The following MATN2 variants were observed in gnomAD, a reference collection of about 807,000 sequenced individuals.
The protein encoded by MATN2 is matrilin-2.
A neutral mutation model predicts 103.2 loss-of-function variants in MATN2; 69 were observed. The observed-to-expected ratio is 0.67, with a 90% CI of 0.55 to 0.82. The LOEUF is 0.82. MATN2 is among the 40% of genes least tolerant of loss of function. The pLI is 0.00. For synonymous variants in MATN2, 429 were observed against 450.2 expected (o/e 0.95, Z 0.60); for missense variants, 1,023 against 1,211.5 (o/e 0.84, Z 2.31).
chr8:98,032,030 G>C (rs751778520), intron 15 of MATN2: 2 of 396,400 alleles, frequency 5.0e-6, no homozygotes, highest in Non-Finnish European at 9.0e-6. Context: ...GTACTTAGGG[G>C]GTCCAAGCTT....
intron 2 of MATN2, among the ~76,000 whole-genome samples, chr8:97,910,977 C>T (rs1809402111): frequency 6.6e-6 from 1 of 151,614 alleles, no homozygotes; most frequent in Non-Finnish European, 1.5e-5. Context: ...CTCTATTTAA[C>T]TTAGTTTATT....
At chr8:97,930,025 T>C (rs1344365185) in intron 2 of MATN2, among the ~76,000 whole-genome samples, 2 of 152,220 alleles carry the variant, frequency 1.3e-5, no homozygotes, top group Non-Finnish European at 2.9e-5. Flanking sequence ...GTCTCATCAC[T>C]TATTCTGTTA....
At chr8:97,898,194 TC>T (rs1348326941) in intron 2 of MATN2, among the ~76,000 whole-genome samples, 2 of 152,188 alleles carry the variant, frequency 1.3e-5, no homozygotes, top group Non-Finnish European at 2.9e-5. Flanking sequence ...CAGTCACCTT[TC>T]TTTTCTTTGC....
At chr8:98,016,442 T>G (rs1813357719) in intron 10 of MATN2, 98 bp from the exon 11 acceptor site, 1 of 1,095,576 alleles carries the variant, frequency 9.1e-7, no homozygotes, top group Non-Finnish European at 1.3e-6. Context: ...GGCACTGTTT[T>G]AATTCAAAGT....
intron 2 of MATN2, among the ~76,000 whole-genome samples, chr8:97,921,693 G>A (rs966096086): frequency 6.6e-6 from 1 of 152,226 alleles, no homozygotes; most frequent in Admixed American, 6.5e-5. Flanking sequence ...CTCAGGGGCC[G>A]CATCTCAGGT....
intron 10 of MATN2, among the ~76,000 whole-genome samples, chr8:98,013,288 T>C (rs1235782348): frequency 6.6e-6 from 1 of 152,212 alleles, no homozygotes; most frequent in Non-Finnish European, 1.5e-5. Flanking sequence ...GGGCAGAAAC[T>C]GGACATTTTG....
chr8:98,030,151 A>C (rs1294561332), intron 14 of MATN2, among the ~76,000 whole-genome samples: 3 of 152,208 alleles, frequency 2.0e-5, no homozygotes, highest in African/African-American at 7.2e-5. Flanking sequence ...AATAGGGCTC[A>C]TTTCTATGAA....
At chr8:97,980,712 G>A (rs921708328) in intron 6 of MATN2, among the ~76,000 whole-genome samples, 1 of 151,486 alleles carries the variant, frequency 6.6e-6, no homozygotes, top group African/African-American at 2.4e-5. Flanking sequence ...CTACAGGCTC[G>A]CACCAACACA....
intron 2 of MATN2, among the ~76,000 whole-genome samples, chr8:97,929,393 A>G (rs1586055567): frequency 6.6e-6 from 1 of 152,282 alleles, no homozygotes; most frequent in South Asian, 2.1e-4. Flanking sequence ...ATCCTGATTC[A>G]GCTGCAAAGT....
At chr8:97,976,119 A>G (rs932506095) in intron 5 of MATN2, among the ~76,000 whole-genome samples, 1 of 150,568 alleles carries the variant, frequency 6.6e-6, no homozygotes, top group Non-Finnish European at 1.5e-5. Flanking sequence ...AACAATATTT[A>G]GACTGAAACT....
At chr8:98,031,851 A>C in intron 15 of MATN2, 1 of 158,402 alleles carries the variant, frequency 6.3e-6, no homozygotes, top group Non-Finnish European at 1.4e-5. Context: ...CAGGGAGGGA[A>C]GGCCTTTCAG....
chr8:98,018,252 G>C (rs942158700), intron 12 of MATN2, 136 bp downstream of exon 12: 4 of 1,176,206 alleles, frequency 3.4e-6, no homozygotes, highest in African/African-American at 1.5e-5. Flanking sequence ...CTCTGAAAGT[G>C]TTTAGCTAGA....
chr8:98,036,539 A>G lies in MATN2; in HGVS notation c.*827A>G, dbSNP rs111317182. The G allele has an allele frequency of 2.0e-5, 3 of 152,346 alleles. No individual in the cohort carries two copies. Among genetic ancestry groups the G allele is most frequent in the African/African-American group, 7.2e-5 (3 of 41,580 alleles). 9.4% of individuals were successfully genotyped at this position (152,346 alleles called of 1,614,324 possible). On this transcript the variant is annotated 3_prime_UTR_variant, in exon 19 of 19. Transcript: ENST00000254898. Reference sequence around the variant, plus strand: ...AACTGCACTCAGTTGATTTCAGCCCATACATACAAAGAGACCTGCATAAGA... The same window carrying G: ...AACTGCACTCAGTTGATTTCAGCCCGTACATACAAAGAGACCTGCATAAGA...
At chr8:98,033,708 T>C (rs778497027) in intron 18 of MATN2, 49 bp downstream of exon 18, 1 of 1,206,180 alleles carries the variant, frequency 8.3e-7, no homozygotes, top group Non-Finnish European at 1.2e-6. Flanking sequence ...AAGAATATTA[T>C]CAAAACTTCA....
intron 1 of MATN2, among the ~76,000 whole-genome samples, chr8:97,871,990 A>G (rs1182942533): frequency 6.6e-6 from 1 of 152,232 alleles, no homozygotes; most frequent in Non-Finnish European, 1.5e-5. Flanking sequence ...TGTGCCTGAC[A>G]TCTGTTTCTT....
At chr8:98,018,174 A>G (rs929270566) in intron 12 of MATN2, 58 bp downstream of exon 12, 2 of 1,602,054 alleles carry the variant, frequency 1.2e-6, no homozygotes, top group Non-Finnish European at 8.5e-7. Context: ...ACAGTTAGAG[A>G]AGTTCATTTA....
At chr8:97,933,985 T>G (rs1810291591) in intron 3 of MATN2, among the ~76,000 whole-genome samples, 1 of 152,232 alleles carries the variant, frequency 6.6e-6, no homozygotes, top group Non-Finnish European at 1.5e-5. Flanking sequence ...TTAAGGAACT[T>G]GCTAAGTGAA....
intron 1 of MATN2, among the ~76,000 whole-genome samples, chr8:97,883,789 CG>C (rs1392243590): frequency 6.6e-6 from 1 of 152,082 alleles, no homozygotes; most frequent in African/African-American, 2.4e-5. Flanking sequence ...CTCCTGACCT[CG>C]TGATCTGCCC....
At chr8:97,902,535 A>G (rs1819024782) in intron 2 of MATN2, among the ~76,000 whole-genome samples, 1 of 151,944 alleles carries the variant, frequency 6.6e-6, no homozygotes. Context: ...ACAAAGAAAA[A>G]AAGCAAAAAG....
Sources: gnomAD v4.1 joint callset for allele counts (sites outside exome capture counted in the v4.1 genomes callset) on GRCh38, gnomAD v4.1.1 for gene constraint, MANE v1.5 for transcripts, NCBI Gene and HGNC (gene_info 2026-07-23, HGNC 2026-07-21) for gene names.